The following PCDHA11 variants were observed in gnomAD, a reference collection of about 807,000 sequenced individuals.
The protein encoded by PCDHA11 is protocadherin alpha 11, also known as protocadherin alpha-11.
In PCDHA11, 61 loss-of-function variants were observed where a neutral mutation model predicts 70.3. The ratio of observed to expected loss-of-function variants is 0.87; its 90% CI spans 0.71 to 1.07. The LOEUF is 1.07. Among genes scored for constraint, PCDHA11 ranks in the 50% least tolerant of loss-of-function variants. The pLI is 0.00. For missense variants in PCDHA11, 1,324 were observed against 1,237.5 expected (o/e 1.07, Z -1.05); for synonymous variants, 633 against 555.1 (o/e 1.14, Z -1.97).
chr5:140,896,242 C>T (rs1228427310), intron 1 of PCDHA11, among the ~76,000 whole-genome samples: 2 of 152,154 alleles, frequency 1.3e-5, no homozygotes, highest in Non-Finnish European at 2.9e-5. Flanking sequence ...GACTTATATT[C>T]CTTTGGTTAT....
At chr5:140,882,174 C>A (rs868925922) in intron 1 of PCDHA11, 1 of 1,514,752 alleles carries the variant, frequency 6.6e-7, no homozygotes, top group Non-Finnish European at 8.8e-7. Flanking sequence ...CGAATCCTTC[C>A]GCACTAGGAA....
chr5:140,906,337 C>A (rs2072574983), intron 1 of PCDHA11, among the ~76,000 whole-genome samples: 1 of 152,192 alleles, frequency 6.6e-6, no homozygotes, highest in Non-Finnish European at 1.5e-5. Flanking sequence ...ATCCTTCATA[C>A]AACCAAGAAT....
At position 140,881,209 on chromosome 5, in the gene PCDHA11, G is replaced by C. The variant is rs74494049; in HGVS notation, c.2391+9715G>C. The C allele has an allele frequency of 3.6e-3, 703 of 194,982 alleles. 1 individual carries two copies. The highest frequency in any genetic ancestry group is 0.016 in the African/African-American group (679 of 42,430). 12.1% of individuals were successfully genotyped at this position (194,982 alleles called of 1,614,324 possible). On this transcript the variant is annotated intron_variant, in intron 1 of 3. Transcript: ENST00000398640. Reference sequence around the variant, plus strand: ...GATATGTTAACATCTTTGTCTAGCTGTTGTTTCTTGGAAAATTAAAGTCAA... The same window carrying C: ...GATATGTTAACATCTTTGTCTAGCTCTTGTTTCTTGGAAAATTAAAGTCAA...
chr5:140,926,936 G>A, intron 1 of PCDHA11: 1 of 1,580,648 alleles, frequency 6.3e-7, no homozygotes, highest in Non-Finnish European at 8.6e-7. Context: ...TGGGTTTCCT[G>A]CGGCGCTGCA....
chr5:140,871,024 T>C lies in PCDHA11; in HGVS notation c.1921T>C (p.Ser641Pro). 6.2e-7 allele frequency: 1 copy of C among 1,613,196 alleles called. No individual in the cohort carries two copies. The highest frequency in any genetic ancestry group is 8.5e-7 in the Non-Finnish European group (1 of 1,179,816). The change falls in exon 1 of 4, where the codon TCG becomes CCG. Residue 641 changes from serine to proline, a missense_variant. By Grantham distance (74) the Ser-to-Pro change is moderately conservative. Coordinates refer to ENST00000398640, the MANE Select transcript of PCDHA11 (RefSeq NM_018902.5). The stretch of plus-strand genomic sequence containing the variant: ...AACGCGTGCCCTGGACGAGGCAGAC[T>C]CGCCGCGCCACCGACTTCTAGTACT... Reference protein sequence around the residue: ...STTRALDEADSPRHRLLVLVK... With the variant: ...STTRALDEADPPRHRLLVLVK...
chr5:140,954,771 T>C (rs1314345691), intron 1 of PCDHA11, among the ~76,000 whole-genome samples: 2 of 152,230 alleles, frequency 1.3e-5, no homozygotes, highest in African/African-American at 4.8e-5. Context: ...AGCTCTTTAA[T>C]TTAATTAGAT....
intron 1 of PCDHA11, among the ~76,000 whole-genome samples, chr5:140,887,340 CCT>C (rs1554183026): frequency 1.3e-5 from 2 of 152,144 alleles, no homozygotes; most frequent in African/African-American, 4.8e-5. Flanking sequence ...TCGTGATCCA[CCT>C]GGCTCGGCCT....
chr5:140,965,216 A>G (rs2095880887), intron 1 of PCDHA11, among the ~76,000 whole-genome samples: 1 of 152,224 alleles, frequency 6.6e-6, no homozygotes, highest in Non-Finnish European at 1.5e-5. Context: ...TTCCTGTGGA[A>G]GAAATGTGAG....
At position 140,923,025 on chromosome 5, in the gene PCDHA11, C is replaced by G. The variant is rs547252764; in HGVS notation, c.2391+51531C>G. ...GGTTGTTGGACTGCAGTTTCGGACTCTATTACTACATGTATAGTATTTAGA... is the reference window on the plus strand; with the variant it reads ...GGTTGTTGGACTGCAGTTTCGGACTGTATTACTACATGTATAGTATTTAGA... On this transcript the variant is annotated intron_variant, in intron 1 of 3. Coordinates refer to ENST00000398640, the MANE Select transcript of PCDHA11 (RefSeq NM_018902.5). 2.6e-5 allele frequency among the ~76,000 whole-genome samples: 4 copies of G among 152,296 alleles called. No homozygotes were observed. The East Asian group carries it at 7.7e-4, about 29-fold the overall frequency.
chr5:140,884,083 G>A, intron 1 of PCDHA11: 1 of 1,613,596 alleles, frequency 6.2e-7, no homozygotes. Context: ...GCTACAATGC[G>A]TGGCTTTCGT....
intron 1 of PCDHA11, chr5:140,928,865 A>G: frequency 6.2e-7 from 1 of 1,614,072 alleles, no homozygotes; most frequent in Non-Finnish European, 8.5e-7. Flanking sequence ...CTGTTGAGCA[A>G]CTCTGTCCCT....
rs147351924 is a variant in PCDHA11, at chr5:141,009,782, C to T, written c.2695C>T (p.Arg899Trp). 27 of 1,613,956 alleles carry T rather than the reference C, an allele frequency of 1.7e-5. No homozygotes were observed. The highest frequency in any genetic ancestry group is 9.9e-5 in the South Asian group (9 of 91,070). ...AGGATCTCCTGCAATCATCTCCATCCGGCAGGAGCCTACTAACAGCCAAAT... is the reference window on the plus strand; with the variant it reads ...AGGATCTCCTGCAATCATCTCCATCTGGCAGGAGCCTACTAACAGCCAAAT... ...IPGSPAIISI[R>W]QEPTNSQIDK... is the part of the protein sequence containing the mutation. The change falls in exon 4 of 4, where the codon CGG becomes TGG. Residue 899 changes from arginine (R) to tryptophan (W), a missense_variant. Coordinates refer to ENST00000398640, the MANE Select transcript of PCDHA11 (RefSeq NM_018902.5).
At chr5:140,890,890 T>C (rs2062844225) in intron 1 of PCDHA11, among the ~76,000 whole-genome samples, 1 of 152,192 alleles carries the variant, frequency 6.6e-6, no homozygotes, top group South Asian at 2.1e-4. Context: ...TCAGGGATTA[T>C]TGTCTTTCCA....
chr5:140,900,831 T>G (rs1554189475), intron 1 of PCDHA11, among the ~76,000 whole-genome samples: 1 of 152,198 alleles, frequency 6.6e-6, no homozygotes, highest in Non-Finnish European at 1.5e-5. Context: ...CCACCAACAA[T>G]GTACAAAGTT....
chr5:140,927,960 C>G, intron 1 of PCDHA11: 2 of 1,614,196 alleles, frequency 1.2e-6, no homozygotes, highest in Non-Finnish European at 1.7e-6. Flanking sequence ...CTGCCCCTGG[C>G]ACAGTGATTG....
intron 3 of PCDHA11, among the ~76,000 whole-genome samples, chr5:140,984,413 CAGAGAT>C (rs1244237847): frequency 1.3e-5 from 2 of 152,148 alleles, no homozygotes; most frequent in African/African-American, 4.8e-5. Context: ...ATCTTTTTTA[CAGAGAT>C]AGAGAAGGGG....
intron 1 of PCDHA11, among the ~76,000 whole-genome samples, chr5:140,925,028 T>C (rs2082253756): frequency 6.6e-6 from 1 of 151,580 alleles, no homozygotes; most frequent in Admixed American, 6.6e-5. Context: ...GGAGGATCGC[T>C]TGAGCCCAGA....
At chr5:140,925,854 G>C (rs1333353083) in intron 1 of PCDHA11, among the ~76,000 whole-genome samples, 1 of 152,014 alleles carries the variant, frequency 6.6e-6, no homozygotes, top group African/African-American at 2.4e-5. Flanking sequence ...TGAGTTTCTA[G>C]TTATTGCTAT....
intron 1 of PCDHA11, chr5:140,883,045 A>G: frequency 1.2e-6 from 2 of 1,614,190 alleles, no homozygotes; most frequent in Non-Finnish European, 1.7e-6. Context: ...TCAATGGAAC[A>G]TTAGTGATCA....
Sources: gnomAD v4.1 joint callset for allele counts (sites outside exome capture counted in the v4.1 genomes callset) on GRCh38, gnomAD v4.1.1 for gene constraint, MANE v1.5 for transcripts, NCBI Gene and HGNC (gene_info 2026-07-23, HGNC 2026-07-21) for gene names.